Variants in PLEKHA8 observed in about 807,000 individuals in gnomAD.
PLEKHA8 encodes the protein pleckstrin homology domain containing A8, also known as pleckstrin homology domain-containing family A member 8.
A neutral mutation model predicts 68.2 loss-of-function variants in PLEKHA8; 36 were observed. The ratio of observed to expected loss-of-function variants is 0.53; its 90% CI spans 0.40 to 0.70. PLEKHA8 has a LOEUF of 0.70. Among genes scored for constraint, PLEKHA8 ranks in the 30% least tolerant of loss-of-function variants. The probability of loss-of-function intolerance (pLI) is 0.00; values close to 1 mark genes in which losing one functional copy is unlikely to be tolerated. For missense variants in PLEKHA8, 505 were observed against 615.4 expected, an observed-to-expected ratio of 0.82 and a Z score of 1.90; for synonymous variants, 211 against 216.1, an observed-to-expected ratio of 0.98 and a Z score of 0.20.
rs1795093646 is a variant in PLEKHA8 at position 30,084,454 on chromosome 7, A to G, written c.*5667A>G. The G allele has an allele frequency of 1.0e-6, 1 of 985,154 alleles. No homozygotes were observed. The highest frequency in any genetic ancestry group is 6.2e-5 in the Admixed American group (1 of 16,258). 61.0% of individuals were successfully genotyped at this position (985,154 alleles called of 1,614,324 possible). A position where few individuals can be genotyped will look rare whatever the true frequency, so the allele number is the denominator to read the frequency against. On this transcript the variant is annotated 3_prime_UTR_variant, in exon 14 of 14. Transcript: ENST00000449726. Reference sequence around the variant, plus strand: ...TTAATGGACCTTTACTTAGAATATAATATGTTGGAGCCTCTTGGGACCAAC... The same window carrying G: ...TTAATGGACCTTTACTTAGAATATAGTATGTTGGAGCCTCTTGGGACCAAC...
intron 13 of PLEKHA8, among the ~76,000 whole-genome samples, chr7:30,122,155 A>G (rs1796706989): frequency 1.3e-5 from 2 of 152,354 alleles, no homozygotes; most frequent in East Asian, 1.9e-4. Context: ...ATCAGAACAC[A>G]TTGGCTTAGA....
intron 9 of PLEKHA8, among the ~76,000 whole-genome samples, chr7:30,059,481 G>T (rs565030238): frequency 4.6e-5 from 7 of 151,854 alleles, no homozygotes; most frequent in Non-Finnish European, 8.8e-5. Context: ...CATTATCTTG[G>T]TATTTGTTTC....
At chr7:30,115,651 CACAT>C (rs965116127) in intron 13 of PLEKHA8, among the ~76,000 whole-genome samples, 2 of 151,136 alleles carry the variant, frequency 1.3e-5, no homozygotes, top group African/African-American at 2.4e-5. Flanking sequence ...CACACATGTA[CACAT>C]ACATGTATAC....
At position 30,083,445 on chromosome 7, in the gene PLEKHA8, A is replaced by G. The variant is rs894461133; in HGVS notation, c.*4658A>G. ...ACTGTTTACTAGACCTTCCCTGTAA[A>G]TGTTCCCAATTCCCATCCTGTCTCA... is the stretch of plus-strand genomic sequence containing the variant. On this transcript the variant is annotated 3_prime_UTR_variant, in exon 14 of 14. Coordinates refer to ENST00000449726, the MANE Select transcript of PLEKHA8 (RefSeq NM_001197026.2). 1.0e-6 allele frequency: 1 copy of G among 985,226 alleles called. No homozygotes were observed. Among genetic ancestry groups the G allele is most frequent in the Non-Finnish European group, 1.2e-6 (1 of 829,816 alleles). 61.0% of individuals were successfully genotyped at this position (985,226 alleles called of 1,614,324 possible).
downstream of PLEKHA8, among the ~76,000 whole-genome samples, chr7:30,086,241 G>C (rs182069338): frequency 6.6e-6 from 1 of 152,194 alleles, no homozygotes; most frequent in Non-Finnish European, 1.5e-5. Context: ...GTCTGTATGG[G>C]CTCTGCTTAT....
intron 13 of PLEKHA8, among the ~76,000 whole-genome samples, chr7:30,074,444 A>C (rs1794483810): frequency 6.6e-6 from 1 of 152,186 alleles, no homozygotes. Context: ...TACCCTAGCC[A>C]ATTCTAATTA....
rs925365747 is a variant in PLEKHA8 at position 30,082,062 on chromosome 7, C to A, written c.*3275C>A. 1.0e-6 allele frequency: 1 copy of A among 979,116 alleles called. No individual in the cohort carries two copies. Among genetic ancestry groups the A allele is most frequent in the African/African-American group, 1.8e-5 (1 of 57,064 alleles). 60.7% of individuals were successfully genotyped at this position (979,116 alleles called of 1,614,324 possible). On this transcript the variant is annotated 3_prime_UTR_variant, in exon 14 of 14. Coordinates refer to ENST00000449726, the MANE Select transcript of PLEKHA8 (RefSeq NM_001197026.2). ...TCTTGATGTAGCTCTGAAGGGAGTT[C>A]CAGAAGAGGAGCTCTCACAGAATGT...
At chr7:30,127,920 T>C (rs941319082) in intron 13 of PLEKHA8, among the ~76,000 whole-genome samples, 2 of 152,232 alleles carry the variant, frequency 1.3e-5, no homozygotes, top group African/African-American at 4.8e-5. Flanking sequence ...AGAAGTTAAA[T>C]AAAATCTTTG....
chr7:30,124,853 A>G (rs1796747709), intron 13 of PLEKHA8, among the ~76,000 whole-genome samples: 1 of 152,006 alleles, frequency 6.6e-6, no homozygotes, highest in Non-Finnish European at 1.5e-5. Context: ...CCATGATCCT[A>G]TCTTAATCAA....
intron 10 of PLEKHA8, among the ~76,000 whole-genome samples, chr7:30,061,589 A>G (rs530409896): frequency 6.6e-6 from 1 of 152,352 alleles, no homozygotes; most frequent in East Asian, 1.9e-4. Flanking sequence ...TCATTAGAAC[A>G]AATGATTGTT....
intron 13 of PLEKHA8, among the ~76,000 whole-genome samples, chr7:30,116,313 T>C (rs1036482931): frequency 6.6e-5 from 10 of 151,860 alleles, no homozygotes; most frequent in Non-Finnish European, 1.0e-4. Context: ...TATACATATA[T>C]ACATACACAT....
chr7:30,058,093 A>G (rs1026952172), intron 9 of PLEKHA8, among the ~76,000 whole-genome samples: 6 of 152,170 alleles, frequency 3.9e-5, no homozygotes, highest in East Asian at 3.9e-4. Flanking sequence ...GGCCATCCCT[A>G]TCTCTTCCAT....
chr7:30,082,508 G>A lies in PLEKHA8; in HGVS notation c.*3721G>A. On this transcript the variant is annotated 3_prime_UTR_variant, in exon 14 of 14. Coordinates refer to ENST00000449726, the MANE Select transcript of PLEKHA8 (RefSeq NM_001197026.2). ...TCCCATTTGTAGCTGGAAAGCGGGT[G>A]AATGACATGACATGGGGCACCTAGG... 1.0e-6 allele frequency: 1 copy of A among 985,348 alleles called. No homozygotes were observed. The highest frequency in any genetic ancestry group is 5.2e-4 in the Middle Eastern group (1 of 1,914). The allele number at this position is 985,348 out of a possible 1,614,324, so 61.0% of individuals were successfully genotyped here. A position where few individuals can be genotyped will look rare whatever the true frequency, so the allele number is the denominator to read the frequency against.
At chr7:30,105,029 C>T (rs1329906042) in intron 13 of PLEKHA8, among the ~76,000 whole-genome samples, 1 of 152,024 alleles carries the variant, frequency 6.6e-6, no homozygotes, top group Non-Finnish European at 1.5e-5. Context: ...CCCAGCCTCA[C>T]AACAGCTCTT....
downstream of PLEKHA8, chr7:30,084,701 A>G (rs1206382561): frequency 5.8e-6 from 5 of 859,146 alleles, no homozygotes; most frequent in Non-Finnish European, 7.0e-6. Flanking sequence ...GAATATGTCA[A>G]TAAAAAGTCT....
chr7:30,092,473 A>T (rs1034318954), downstream of PLEKHA8, among the ~76,000 whole-genome samples: 1 of 151,938 alleles, frequency 6.6e-6, no homozygotes, highest in Non-Finnish European at 1.5e-5. Context: ...ATGTGGCACT[A>T]CCATTTCCTT....
chr7:30,070,315 A>T (rs192532782), intron 12 of PLEKHA8, among the ~76,000 whole-genome samples: 1 of 152,198 alleles, frequency 6.6e-6, no homozygotes, highest in Non-Finnish European at 1.5e-5. Context: ...TTCTTTGTCT[A>T]CTAGGGCCAA....
intron 13 of PLEKHA8, among the ~76,000 whole-genome samples, chr7:30,116,739 A>T (rs760429919): frequency 1.1e-4 from 17 of 152,350 alleles, no homozygotes; most frequent in Non-Finnish European, 2.4e-4. Context: ...ACTAAATCTT[A>T]GCTACTCCCC....
chr7:30,068,096 A>G (rs1213468349), intron 12 of PLEKHA8, among the ~76,000 whole-genome samples: 1 of 152,216 alleles, frequency 6.6e-6, no homozygotes, highest in African/African-American at 2.4e-5. Flanking sequence ...CTGTGCTGCC[A>G]GAACAGTGGT....
Sources: allele counts gnomAD v4.1 joint callset (sites outside exome capture counted in the v4.1 genomes callset), GRCh38; gene constraint gnomAD v4.1.1; transcripts MANE v1.5; gene names NCBI Gene and HGNC (gene_info 2026-07-23, HGNC 2026-07-21).